The following ZNF544 variants were observed in gnomAD, a reference collection of about 807,000 sequenced individuals.
The protein encoded by ZNF544 is zinc finger protein 544, also known as zinc finger protein AF020591.
A neutral mutation model predicts 13.5 loss-of-function variants in ZNF544; 10 were observed. That is an observed-to-expected ratio of 0.74 (90% confidence interval 0.46 to 1.25). ZNF544 has a LOEUF of 1.25. Ranked by LOEUF, ZNF544 falls within the 50% of genes most tolerant of loss-of-function variation. The probability of loss-of-function intolerance (pLI) is 0.00; values close to 1 mark genes in which losing one functional copy is unlikely to be tolerated. For synonymous variants in ZNF544, 323 were observed against 300.5 expected (o/e 1.07, Z -0.77); for missense variants, 896 against 845.6 (o/e 1.06, Z -0.74).
chr19:58,263,333 T>C lies in ZNF544; in HGVS notation c.*579T>C, dbSNP rs1337876970. ...AAAATTAGCCTAGCATGGTGGCGCA[T>C]ACCTGTAGTCCTAGCTACTCAGGAG... is the stretch of plus-strand genomic sequence containing the variant. On this transcript the variant is annotated 3_prime_UTR_variant, in exon 7 of 7. Transcript: ENST00000687789. 3.5e-6 allele frequency: 3 copies of C among 852,674 alleles called. No homozygotes were observed. The highest frequency in any genetic ancestry group is 4.2e-6 in the Non-Finnish European group (3 of 708,562). The allele number at this position is 852,674 out of a possible 1,614,324, so 52.8% of individuals were successfully genotyped here.
At chr19:58,235,134 C>T (rs1038097478) in intron 3 of ZNF544, among the ~76,000 whole-genome samples, 1 of 152,186 alleles carries the variant, frequency 6.6e-6, no homozygotes, top group African/African-American at 2.4e-5. Flanking sequence ...TTACACAGAC[C>T]TACATGGTTA....
Position 58,240,138 on chromosome 19 carries a change from C to G in ZNF544, c.-59-3827C>G, listed in dbSNP as rs532394574. 6.6e-5 allele frequency among the ~76,000 whole-genome samples: 10 copies of G among 152,254 alleles called. No homozygotes were observed. The East Asian group carries it at 1.9e-3, about 29-fold the overall frequency. On this transcript the variant is annotated intron_variant, in intron 3 of 6. Coordinates refer to ENST00000687789, the MANE Select transcript of ZNF544 (RefSeq NM_014480.4). ...AAATTACTTTGGTTACTCAGGCCCT[C>G]CAGAGATCCCCCTAATACACCATGG...
chr19:58,257,618 T>C (rs1379029862), intron 6 of ZNF544: 3 of 152,232 alleles, frequency 2.0e-5, no homozygotes, highest in African/African-American at 7.2e-5. Context: ...TCTGATCCTT[T>C]TGTTACGTGG....
At chr19:58,260,751 A>G in intron 6 of ZNF544, 100 bp from the exon 7 acceptor site, 1 of 1,144,692 alleles carries the variant, frequency 8.7e-7, no homozygotes. Context: ...TTGGAAACAA[A>G]CCAGAGACAC....
At chr19:58,234,168 A>G (rs909087288) in intron 3 of ZNF544, among the ~76,000 whole-genome samples, 7 of 152,144 alleles carry the variant, frequency 4.6e-5, no homozygotes, top group Middle Eastern at 3.2e-3. Flanking sequence ...TCTCTCTCTG[A>G]GATAGAATCT....
rs1568502578 is a variant in ZNF544, at chr19:58,262,189, C to G, written c.1583C>G (p.Ser528Cys). The G allele has an allele frequency of 5.6e-6, 9 of 1,613,810 alleles. No individual in the cohort carries two copies. Among genetic ancestry groups the G allele is most frequent in the Non-Finnish European group, 7.6e-6 (9 of 1,179,962 alleles). Residue 528 changes from serine (S) to cysteine (C), a missense_variant, in exon 7 of 7, where the codon TCC (serine) becomes TGC (cysteine). Transcript: ENST00000687789. Reference sequence around the variant, plus strand: ...TATGAGTGCAACCTGTGTGGGAAATCCTTCTCCCAGAGTTCCAAACTTATT... The same window carrying G: ...TATGAGTGCAACCTGTGTGGGAAATGCTTCTCCCAGAGTTCCAAACTTATT... ...KPYECNLCGK[S>C]FSQSSKLITH...
At chr19:58,236,680 T>C (rs1318932597) in intron 3 of ZNF544, among the ~76,000 whole-genome samples, 1 of 151,924 alleles carries the variant, frequency 6.6e-6, no homozygotes, top group Non-Finnish European at 1.5e-5. Flanking sequence ...TATTGTTACT[T>C]AGACTGTAGA....
At chr19:58,276,520 T>G (rs1189218083) in intron 6 of ZNF544, 1 of 793,548 alleles carries the variant, frequency 1.3e-6, no homozygotes, top group Non-Finnish European at 1.7e-6. Flanking sequence ...CAGGCTGGAG[T>G]GCAGTGGCGC....
At chr19:58,232,317 T>G (rs2041414305) in intron 3 of ZNF544, among the ~76,000 whole-genome samples, 2 of 151,694 alleles carry the variant, frequency 1.3e-5, no homozygotes, top group Admixed American at 1.3e-4. Flanking sequence ...AAGTAGACCT[T>G]TAGTGCAACA....
rs112327938 is a variant in ZNF544 at position 58,260,626 on chromosome 19, G to T, written c.245-225G>T. On this transcript the variant is annotated intron_variant, in intron 6 of 6. Transcript: ENST00000687789. ...TTCTGCCCTCTATTTGGGGACTAGT[G>T]TTACTTAGTCACTTCTTTATTATGT... 4 of 476,006 alleles carry T rather than the reference G, an allele frequency of 8.4e-6. No individual in the cohort carries two copies. The South Asian group carries it at 1.2e-4, about 15-fold the overall frequency. The allele number at this position is 476,006 out of a possible 1,614,324, so 29.5% of individuals were successfully genotyped here.
At chr19:58,252,253 T>G (rs574753273) in intron 6 of ZNF544, among the ~76,000 whole-genome samples, 1 of 152,198 alleles carries the variant, frequency 6.6e-6, no homozygotes, top group Admixed American at 6.5e-5. Flanking sequence ...AAATCCATAT[T>G]CTCATGCCTT....
At chr19:58,238,339 C>T (rs2042863019) in intron 3 of ZNF544, among the ~76,000 whole-genome samples, 1 of 152,184 alleles carries the variant, frequency 6.6e-6, no homozygotes, top group African/African-American at 2.4e-5. Flanking sequence ...ACACAGGCTT[C>T]ATTCTGTGGT....
chr19:58,259,231 A>G (rs2048364791), intron 6 of ZNF544: 1 of 152,216 alleles, frequency 6.6e-6, no homozygotes, highest in South Asian at 2.1e-4. Flanking sequence ...AGAGTCTTCT[A>G]TTGGGTCAAT....
intron 3 of ZNF544, among the ~76,000 whole-genome samples, chr19:58,230,970 G>A (rs2041085915): frequency 6.6e-6 from 1 of 152,142 alleles, no homozygotes; most frequent in Non-Finnish European, 1.5e-5. Context: ...GACAGTGGTG[G>A]GAGGGGACTG....
chr19:58,257,182 A>T (rs940526962), intron 6 of ZNF544: 2 of 152,252 alleles, frequency 1.3e-5, no homozygotes, highest in South Asian at 2.1e-4. Flanking sequence ...CGGCCTCCCA[A>T]AGTGCTGGGA....
chr19:58,251,265 A>G (rs558644941), intron 6 of ZNF544: 3 of 517,348 alleles, frequency 5.8e-6, no homozygotes, highest in South Asian at 4.2e-5. Context: ...CACCAAGGAA[A>G]GTTGGTAGGC....
In ZNF544 at chr19:58,262,543, A is replaced by G. The variant is rs1359580249; in HGVS notation, c.1937A>G (p.Tyr646Cys). 4 of 1,614,080 alleles carry G rather than the reference A, an allele frequency of 2.5e-6. No homozygotes were observed. The highest frequency in any genetic ancestry group is 3.4e-6 in the Non-Finnish European group (4 of 1,180,020). ...QCNKAFARSS[Y>C]LVMHQRTHTG... ...AATAAAGCCTTTGCAAGGAGCTCCT[A>G]CCTTGTGATGCATCAGAGAACTCAC... The change falls in exon 7 of 7, where the codon TAC becomes TGC. Residue 646 changes from tyrosine (Y) to cysteine (C), a missense_variant. Tyr to Cys is a radical substitution (Grantham distance 194, BLOSUM62 -2). Transcript: ENST00000687789.
Position 58,246,390 on chromosome 19 carries a change from G to A in ZNF544, c.123G>A (p.Glu41=), listed in dbSNP as rs1170595458. 4 of 1,614,130 alleles carry A rather than the reference G, an allele frequency of 2.5e-6. No individual in the cohort carries two copies. Among genetic ancestry groups the A allele is most frequent in the Non-Finnish European group, 3.4e-6 (4 of 1,180,016 alleles). Reference sequence around the variant, plus strand: ...TGGCCCAGAGGACACTGTACCGAGAGGTGACACTGGAGACCTGGGAGCATA... The same window carrying A: ...TGGCCCAGAGGACACTGTACCGAGAAGTGACACTGGAGACCTGGGAGCATA... ...LDLAQRTLYR[E]VTLETWEHIV... The change falls in exon 5 of 7, where the codon GAG becomes GAA. Residue 41 remains glutamate (E), a synonymous_variant. Coordinates refer to ENST00000687789, the MANE Select transcript of ZNF544 (RefSeq NM_014480.4).
chr19:58,258,497 A>AGGGTGCTG (rs2048132450), intron 6 of ZNF544: 1 of 87,800 alleles, frequency 1.1e-5, no homozygotes, highest in African/African-American at 5.5e-5. Context: ...CGAGGGCACC[A>AGGGTGCTG]GGTGTGAGGG....
Sources: gnomAD v4.1 joint callset for allele counts (sites outside exome capture counted in the v4.1 genomes callset) on GRCh38, gnomAD v4.1.1 for gene constraint, MANE v1.5 for transcripts, NCBI Gene and HGNC (gene_info 2026-07-23, HGNC 2026-07-21) for gene names.